Variants in NBAS observed in about 807,000 individuals in gnomAD.
The protein encoded by NBAS is NBAS subunit of NRZ tethering complex.
In NBAS, 219 loss-of-function variants were observed where a neutral mutation model predicts 302.5. That is an observed-to-expected ratio of 0.72 (90% CI 0.65 to 0.81). The LOEUF is 0.81. NBAS is among the 30% of genes least tolerant of loss of function. The probability of loss-of-function intolerance (pLI) is 0.00; values close to 1 mark genes in which losing one functional copy is unlikely to be tolerated. For synonymous variants in NBAS, 1,118 were observed against 1,021.6 expected (o/e 1.09, Z -1.80); for missense variants, 2,932 against 2,841.6 (o/e 1.03, Z -0.72).
At chr2:15,209,233 C>A (rs1355868421) in intron 48 of NBAS, among the ~76,000 whole-genome samples, 3 of 152,018 alleles carry the variant, frequency 2.0e-5, no homozygotes, top group African/African-American at 4.8e-5. Flanking sequence ...ATGCAACCTA[C>A]CAAGAGTGAA....
At chr2:15,527,210 A>G (rs764722390) in intron 9 of NBAS, among the ~76,000 whole-genome samples, 6 of 152,336 alleles carry the variant, frequency 3.9e-5, no homozygotes, top group Admixed American at 2.6e-4. Context: ...TACTCAAAAA[A>G]TAAGAGTTAC....
chr2:14,924,193 C>T, the NBAS span, among the ~76,000 whole-genome samples: 34 of 152,278 alleles, frequency 2.2e-4, no homozygotes, highest in African/African-American at 7.7e-4. Flanking sequence ...CTAAGAACAA[C>T]GCAAATCAAG....
the NBAS span, among the ~76,000 whole-genome samples, chr2:14,930,220 C>G: frequency 2.0e-5 from 3 of 152,154 alleles, no homozygotes; most frequent in African/African-American, 7.2e-5. Context: ...GTCCTCCACT[C>G]TAATACTGGA....
intron 21 of NBAS, among the ~76,000 whole-genome samples, chr2:15,442,492 C>G (rs1180095015): frequency 6.6e-6 from 1 of 151,984 alleles, no homozygotes; most frequent in Non-Finnish European, 1.5e-5. Context: ...CTCTGGGACA[C>G]ATTCAAAGCA....
chr2:14,790,003 A>G, the NBAS span, among the ~76,000 whole-genome samples: 3 of 152,252 alleles, frequency 2.0e-5, no homozygotes, highest in South Asian at 4.1e-4. Context: ...ACATTTATTG[A>G]GCTATTACTA....
chr2:14,973,285 G>C, the NBAS span, among the ~76,000 whole-genome samples: 3 of 152,304 alleles, frequency 2.0e-5, no homozygotes, highest in South Asian at 6.2e-4. Flanking sequence ...AAACCCTGCT[G>C]TATCAGATAG....
the NBAS span, among the ~76,000 whole-genome samples, chr2:14,904,679 G>A: frequency 2.6e-5 from 4 of 152,114 alleles, no homozygotes; most frequent in South Asian, 2.1e-4. Context: ...ACAGTCAGCT[G>A]TATACACTGA....
intron 21 of NBAS, among the ~76,000 whole-genome samples, chr2:15,444,132 T>G (rs1678595849): frequency 6.6e-6 from 1 of 151,840 alleles, no homozygotes; most frequent in Admixed American, 6.6e-5. Context: ...ATGACTTTCT[T>G]CACAGAATTG....
At chr2:15,067,889 C>T in the NBAS span, among the ~76,000 whole-genome samples, 1 of 152,066 alleles carries the variant, frequency 6.6e-6, no homozygotes, top group Non-Finnish European at 1.5e-5. Context: ...ATAAAACATT[C>T]TTGAGACCCA....
the NBAS span, among the ~76,000 whole-genome samples, chr2:15,138,567 T>G: frequency 6.6e-6 from 1 of 152,158 alleles, no homozygotes; most frequent in Non-Finnish European, 1.5e-5. Flanking sequence ...GCCCAGGACC[T>G]GGAGGCCAAC....
intron 16 of NBAS, among the ~76,000 whole-genome samples, chr2:15,471,843 G>T (rs1230220555): frequency 6.6e-6 from 1 of 152,124 alleles, no homozygotes; most frequent in Non-Finnish European, 1.5e-5. Context: ...TGCAAACCAG[G>T]AGAGTGCCCT....
intron 16 of NBAS, among the ~76,000 whole-genome samples, chr2:15,469,180 T>G (rs12692269): frequency 0.64 from 97,087 of 151,978 alleles, 31,737 homozygotes; most frequent in Middle Eastern, 0.68. Flanking sequence ...TTTTTGAAGG[T>G]TTTTTTGTGC....
At chr2:14,991,999 G>C in the NBAS span, among the ~76,000 whole-genome samples, 2 of 152,150 alleles carry the variant, frequency 1.3e-5, no homozygotes, top group African/African-American at 2.4e-5. Context: ...AGAGGGTGGA[G>C]ATAGTGTGTG....
At chr2:14,788,933 A>T in the NBAS span, among the ~76,000 whole-genome samples, 1 of 152,238 alleles carries the variant, frequency 6.6e-6, no homozygotes, top group African/African-American at 2.4e-5. Context: ...CTGCCCCCAG[A>T]GGTGGAGCCT....
chr2:15,551,487 TCTTAC>T lies in NBAS; in HGVS notation c.379+1_379+5del. 6.2e-7 allele frequency: 1 copy of T among 1,604,120 alleles called. No individual in the cohort carries two copies. Among genetic ancestry groups the T allele is most frequent in the Non-Finnish European group, 8.5e-7 (1 of 1,173,000 alleles). ...TTCATTCTTTAAATATTTTGGAAACTCTTACCTTGACATTTCCCAATAATGGATGT... is the reference window on the plus strand; with the variant it reads ...TTCATTCTTTAAATATTTTGGAAACTCTTGACATTTCCCAATAATGGATGT... On this transcript the variant is annotated splice_donor_variant and splice_donor_5th_base_variant and intron_variant, in intron 6 of 51. Coordinates refer to ENST00000281513, the MANE Select transcript of NBAS (RefSeq NM_015909.4). LOFTEE classifies it high-confidence loss of function.
the NBAS span, among the ~76,000 whole-genome samples, chr2:15,033,394 A>G: frequency 7.7e-6 from 1 of 129,386 alleles, no homozygotes; most frequent in Non-Finnish European, 1.7e-5. Flanking sequence ...TATTTGGATG[A>G]TATTTAAATA....
the NBAS span, among the ~76,000 whole-genome samples, chr2:15,157,555 G>A: frequency 1.3e-5 from 2 of 152,072 alleles, no homozygotes; most frequent in African/African-American, 2.4e-5. Context: ...TCCCCTCCCC[G>A]GGGTCTTAAG....
chr2:14,956,126 G>A, the NBAS span, among the ~76,000 whole-genome samples: 1 of 152,074 alleles, frequency 6.6e-6, no homozygotes, highest in African/African-American at 2.4e-5. Flanking sequence ...TCTAGGGCAG[G>A]GGCAAAATGT....
chr2:15,249,546 A>G (rs1399959049), intron 44 of NBAS, among the ~76,000 whole-genome samples: 1 of 152,224 alleles, frequency 6.6e-6, no homozygotes. Context: ...AGATGACACA[A>G]TTGTATATTT....
Sources: allele counts gnomAD v4.1 joint callset (sites outside exome capture counted in the v4.1 genomes callset), GRCh38; gene constraint gnomAD v4.1.1; transcripts MANE v1.5; gene names NCBI Gene and HGNC (gene_info 2026-07-23, HGNC 2026-07-21).